Variants in TMEM132D observed in about 807,000 individuals in gnomAD.
The protein encoded by TMEM132D is mature OL transmembrane protein.
A neutral mutation model predicts 62.3 loss-of-function variants in TMEM132D; 21 were observed. That is an observed-to-expected ratio of 0.34 (90% CI 0.24 to 0.49). The LOEUF is 0.49. TMEM132D is among the 20% of genes least tolerant of loss of function. The pLI is 0.99. For missense variants in TMEM132D, 1,346 were observed against 1,402.8 expected (o/e 0.96, Z 0.65); for synonymous variants, 621 against 575.6 (o/e 1.08, Z -1.13).
intron 1 of TMEM132D, among the ~76,000 whole-genome samples, chr12:129,818,395 G>A (rs59786109): frequency 6.7e-4 from 98 of 146,594 alleles, no homozygotes; most frequent in East Asian, 1.3e-3. Flanking sequence ...GTGTGATGTC[G>A]GGGGTGTGTG....
chr12:129,095,303 G>T (rs1295062295), intron 5 of TMEM132D, among the ~76,000 whole-genome samples: 1 of 150,814 alleles, frequency 6.6e-6, no homozygotes, highest in African/African-American at 2.4e-5. Context: ...AAGTAAAAAT[G>T]AGGTCACTAA....
chr12:129,878,580 C>CTTT (rs33919692), intron 1 of TMEM132D, among the ~76,000 whole-genome samples: 11 of 144,354 alleles, frequency 7.6e-5, no homozygotes, highest in African/African-American at 1.8e-4. Flanking sequence ...CTGCAGATTG[C>CTTT]TTTTTTTTTT....
At chr12:129,148,578 G>A (rs1876978781) in intron 5 of TMEM132D, among the ~76,000 whole-genome samples, 1 of 152,176 alleles carries the variant, frequency 6.6e-6, no homozygotes, top group Non-Finnish European at 1.5e-5. Context: ...CCACAGCCCT[G>A]CCAGTGCCTT....
intron 1 of TMEM132D, among the ~76,000 whole-genome samples, chr12:129,750,113 T>C (rs1431761492): frequency 3.3e-5 from 5 of 152,000 alleles, no homozygotes; most frequent in Non-Finnish European, 7.4e-5. Context: ...TGAGATGGAG[T>C]CTCGCTTTGT....
At chr12:129,787,945 G>A (rs1006907400) in intron 1 of TMEM132D, among the ~76,000 whole-genome samples, 1 of 152,196 alleles carries the variant, frequency 6.6e-6, no homozygotes, top group African/African-American at 2.4e-5. Flanking sequence ...GGGCAGGCTG[G>A]ACAAGGCAGG....
chr12:129,195,469 A>G lies in TMEM132D; in HGVS notation c.1443+14051T>C, dbSNP rs114930747. On this transcript the variant is annotated intron_variant, in intron 5 of 8. Coordinates refer to ENST00000422113, the MANE Select transcript of TMEM132D (RefSeq NM_133448.3). ...AATAATGTGATGTGGCCCATATTTT[A>G]AAAGGATCACTTTGACTCTCGGGTG... Among the ~76,000 whole-genome samples, 707 of 152,160 alleles carry G rather than the reference A, an allele frequency of 4.6e-3. 2 individuals are homozygous for G. The highest frequency in any genetic ancestry group is 0.016 in the African/African-American group (664 of 41,516).
chr12:129,603,103 C>A (rs1277818733), intron 2 of TMEM132D, among the ~76,000 whole-genome samples: 1 of 152,110 alleles, frequency 6.6e-6, no homozygotes, highest in Non-Finnish European at 1.5e-5. Flanking sequence ...GGACACAGAG[C>A]CAAACTATAT....
chr12:129,243,917 A>G (rs2135585889), intron 4 of TMEM132D, among the ~76,000 whole-genome samples: 1 of 152,096 alleles, frequency 6.6e-6, no homozygotes, highest in African/African-American at 2.4e-5. Flanking sequence ...TCTCATTTTC[A>G]TTGATTTTAT....
At chr12:129,593,364 T>A (rs1878246987) in intron 2 of TMEM132D, among the ~76,000 whole-genome samples, 1 of 152,182 alleles carries the variant, frequency 6.6e-6, no homozygotes, top group Admixed American at 6.5e-5. Flanking sequence ...TCCAGATATT[T>A]TATTGTACTA....
chr12:129,353,152 G>A (rs1279249352), intron 3 of TMEM132D, among the ~76,000 whole-genome samples: 1 of 133,340 alleles, frequency 7.5e-6, no homozygotes, highest in Non-Finnish European at 1.6e-5. Context: ...TTTTTATCCT[G>A]GAAGATTCCA....
At chr12:129,520,627 G>A (rs890737918) in intron 3 of TMEM132D, among the ~76,000 whole-genome samples, 22 of 152,278 alleles carry the variant, frequency 1.4e-4, no homozygotes, top group African/African-American at 5.3e-4. Context: ...CAGGAAACCT[G>A]GACCAAGCTT....
chr12:129,281,853 G>A (rs372962960), intron 4 of TMEM132D, among the ~76,000 whole-genome samples: 120 of 152,192 alleles, frequency 7.9e-4, no homozygotes, highest in Non-Finnish European at 1.4e-3. Context: ...TCAAACTACC[G>A]CCAAAGCCTG....
At chr12:129,281,660 A>G (rs1881156762) in intron 4 of TMEM132D, among the ~76,000 whole-genome samples, 1 of 152,170 alleles carries the variant, frequency 6.6e-6, no homozygotes, top group Non-Finnish European at 1.5e-5. Flanking sequence ...GTATTCAGTT[A>G]TCCTCTATGA....
At chr12:129,179,533 T>C (rs937561141) in intron 5 of TMEM132D, among the ~76,000 whole-genome samples, 1 of 152,176 alleles carries the variant, frequency 6.6e-6, no homozygotes, top group Admixed American at 6.5e-5. Flanking sequence ...ACTTTAACTT[T>C]TATTCCACTA....
chr12:129,261,973 C>T (rs538044966), intron 4 of TMEM132D, among the ~76,000 whole-genome samples: 9 of 152,144 alleles, frequency 5.9e-5, no homozygotes, highest in Admixed American at 3.3e-4. Context: ...AGGGATAAAT[C>T]GATGATTCAG....
At chr12:129,813,135 A>G (rs1185654518) in intron 1 of TMEM132D, among the ~76,000 whole-genome samples, 1 of 151,772 alleles carries the variant, frequency 6.6e-6, no homozygotes, top group African/African-American at 2.4e-5. Flanking sequence ...ATCCATCTGT[A>G]AATCTTATTA....
At chr12:129,450,677 C>T (rs891015346) in intron 3 of TMEM132D, among the ~76,000 whole-genome samples, 2 of 152,028 alleles carry the variant, frequency 1.3e-5, no homozygotes, top group African/African-American at 4.8e-5. Context: ...CAACAGGGTC[C>T]CCATGAGAGC....
chr12:129,280,970 T>G (rs542413256), intron 4 of TMEM132D, among the ~76,000 whole-genome samples: 1 of 152,210 alleles, frequency 6.6e-6, no homozygotes, highest in Admixed American at 6.5e-5. Context: ...GCCACAATAT[T>G]TTGAAATTTA....
intron 1 of TMEM132D, among the ~76,000 whole-genome samples, chr12:129,837,920 C>T (rs533829027): frequency 2.6e-4 from 40 of 152,296 alleles, no homozygotes; most frequent in African/African-American, 6.5e-4. Context: ...GTTAATACAT[C>T]TGTCATATAT....
Sources: allele counts gnomAD v4.1 joint callset (sites outside exome capture counted in the v4.1 genomes callset), GRCh38; gene constraint gnomAD v4.1.1; transcripts MANE v1.5; gene names NCBI Gene and HGNC (gene_info 2026-07-23, HGNC 2026-07-21).